Variants in MCM10 observed in about 807,000 individuals in gnomAD.
MCM10 encodes protein MCM10 homolog.
MCM10 carries 91 observed loss-of-function variants against 109.9 expected under a neutral mutation model. That is an observed-to-expected ratio of 0.83 (90% CI 0.70 to 0.99). The LOEUF (loss-of-function observed/expected upper bound fraction) is 0.99. MCM10 is among the 50% of genes least tolerant of loss of function. The probability of loss-of-function intolerance (pLI) is 0.00; values close to 1 mark genes in which losing one functional copy is unlikely to be tolerated. For synonymous variants in MCM10, 380 were observed against 387.2 expected (o/e 0.98, Z 0.22); for missense variants, 1,077 against 1,061.2 (o/e 1.01, Z -0.21).
In MCM10 at chr10:13,172,601, TC is replaced by T. The variant is rs762277030; in HGVS notation, c.455-26del. The T allele has an allele frequency of 6.2e-7, 1 of 1,613,178 alleles. No homozygotes were observed. The highest frequency in any genetic ancestry group is 8.5e-7 in the Non-Finnish European group (1 of 1,179,630). On this transcript the variant is annotated intron_variant, in intron 4 of 19. Coordinates refer to ENST00000378714, the MANE Select transcript of MCM10 (RefSeq NM_018518.5). This position sits in a 1 kb window ranked among gnomAD's most constrained non-coding sequence, Gnocchi z 5.2. ...AACCTCTTTCTGAATGGGTTTTTACTCACTTATTTTACTTTTGATTAAGTAG... is the reference window on the plus strand; with the variant it reads ...AACCTCTTTCTGAATGGGTTTTTACTACTTATTTTACTTTTGATTAAGTAG...
chr10:13,171,236 C>G lies in MCM10; in HGVS notation c.322C>G (p.Arg108Gly), dbSNP rs778805798. 5.6e-6 allele frequency: 9 copies of G among 1,610,886 alleles called. No homozygotes were observed. In the Admixed American group the frequency reaches 1.5e-4, roughly 27 times the overall value. Residue 108 changes from arginine to glycine, a missense_variant, in exon 3 of 20, where the codon CGA becomes GGA. Coordinates refer to ENST00000378714, the MANE Select transcript of MCM10 (RefSeq NM_018518.5). ...GGTCCTCCCTGCTCCTGCCCCCAGG[C>G]GAGAGAAAACGAATGAAGAGTTGCA... The part of the protein sequence containing the change: ...NRVLPAPAPR[R>G]EKTNEELQEE...
chr10:13,175,570 C>G lies in MCM10; in HGVS notation c.653C>G (p.Ser218Cys), dbSNP rs1834130557. The stretch of plus-strand genomic sequence containing the variant: ...CCCTCCCAACCCCTACAGACGATTT[C>G]TCGGAACAAACCTAGTGGGATAACT... Reference protein sequence around the residue: ...SAPSQPLQTISRNKPSGITRG... With the variant: ...SAPSQPLQTICRNKPSGITRG... The change falls in exon 6 of 20, where the codon TCT becomes TGT. Residue 218 changes from serine to cysteine, a missense_variant. Physicochemically the swap from Ser to Cys is moderately radical, Grantham distance 112 (BLOSUM62 -1). Coordinates refer to ENST00000378714, the MANE Select transcript of MCM10 (RefSeq NM_018518.5). 6.2e-7 allele frequency: 1 copy of G among 1,614,158 alleles called. No individual in the cohort carries two copies. The highest frequency in any genetic ancestry group is 1.1e-5 in the South Asian group (1 of 91,092).
chr10:13,162,599 C>T (rs1209984336), intron 1 of MCM10, among the ~76,000 whole-genome samples: 1 of 152,118 alleles, frequency 6.6e-6, no homozygotes, highest in Admixed American at 6.6e-5. Flanking sequence ...CAGTACTTGT[C>T]AGTGGCCGTG....
chr10:13,195,235 G>A lies in MCM10; in HGVS notation c.1940G>A (p.Arg647Lys), dbSNP rs372118753. 53 of 1,609,098 alleles carry A rather than the reference G, an allele frequency of 3.3e-5. No individual in the cohort carries two copies. The highest frequency in any genetic ancestry group is 4.0e-5 in the Non-Finnish European group (47 of 1,177,602). The stretch of plus-strand genomic sequence containing the variant: ...TTTTATGATGAGTCACCACCACCAA[G>A]ACCAAAACTGAGTGCTTTAGCAGAA... ...VLFYDESPPP[R>K]PKLSALAEAK... The change falls in exon 14 of 20, where the codon AGA becomes AAA. Residue 647 changes from arginine (R) to lysine (K), a missense_variant. Coordinates refer to ENST00000378714, the MANE Select transcript of MCM10 (RefSeq NM_018518.5).
At chr10:13,204,547 C>T (rs1834544388) in intron 18 of MCM10, 183 bp downstream of exon 18, 1 of 657,526 alleles carries the variant, frequency 1.5e-6, no homozygotes, top group Non-Finnish European at 2.5e-6. Context: ...TGCCCTTTCA[C>T]TGCTGTCCCC....
intron 14 of MCM10, chr10:13,195,594 A>G (rs1834408225): frequency 1.7e-5 from 1 of 59,546 alleles, no homozygotes; most frequent in Non-Finnish European, 4.0e-5. Context: ...TTATTTATTT[A>G]TTTATTTATT....
chr10:13,182,951 T>C lies in MCM10; in HGVS notation c.949T>C (p.Trp317Arg). 6.2e-7 allele frequency: 1 copy of C among 1,613,636 alleles called. No homozygotes were observed. Among genetic ancestry groups the C allele is most frequent in the South Asian group, 1.1e-5 (1 of 90,998 alleles). ...SVNSGKTFSIWKLNDLRDLTQ... is the reference protein window; with the variant it reads ...SVNSGKTFSIRKLNDLRDLTQ... ...GTTCCAGGGAAAAACCTTCAGCATA[T>C]GGAAACTGAATGATCTTCGTGACCT... Residue 317 changes from tryptophan (W) to arginine (R), a missense_variant, in exon 8 of 20, where the codon TGG (tryptophan) becomes CGG (arginine). Trp to Arg is a moderately radical substitution (Grantham distance 101). Transcript: ENST00000378714. The surrounding 1 kb of genome is among the most constrained non-coding windows in gnomAD (Gnocchi z 4.2).
intron 9 of MCM10, among the ~76,000 whole-genome samples, chr10:13,186,939 C>G (rs576040972): frequency 6.6e-6 from 1 of 152,298 alleles, no homozygotes; most frequent in African/African-American, 2.4e-5. Flanking sequence ...TTTCAGTGAG[C>G]TGAGATCGCA....
intron 18 of MCM10, among the ~76,000 whole-genome samples, chr10:13,207,023 G>T (rs1393033306): frequency 6.6e-6 from 1 of 152,066 alleles, no homozygotes; most frequent in Non-Finnish European, 1.5e-5. Context: ...ATGTTGTCCA[G>T]GCTGGTTTCA....
In MCM10 at chr10:13,170,917, C is replaced by A. The variant is rs146741193; in HGVS notation, c.8-5C>A. Reference sequence around the variant, plus strand: ...TTCTCTGTCCTTTCTCTTCTTTTCCCCTAGAGGAGGAAGACAATCTGTCTC... The same window carrying A: ...TTCTCTGTCCTTTCTCTTCTTTTCCACTAGAGGAGGAAGACAATCTGTCTC... On this transcript the variant is annotated splice_region_variant and splice_polypyrimidine_tract_variant and intron_variant, in intron 2 of 19. Transcript: ENST00000378714. 11 of 1,609,406 alleles carry A rather than the reference C, an allele frequency of 6.8e-6. No homozygotes were observed. Among genetic ancestry groups the A allele is most frequent in the South Asian group, 1.1e-5 (1 of 90,962 alleles).
chr10:13,197,573 C>T, intron 14 of MCM10, 50 bp from the exon 15 acceptor site: 1 of 1,557,530 alleles, frequency 6.4e-7, no homozygotes, highest in Non-Finnish European at 8.7e-7. Flanking sequence ...TCTATAAGTG[C>T]CTCTGTCATC....
At chr10:13,178,597 G>GT (rs968319859) in intron 6 of MCM10, among the ~76,000 whole-genome samples, 1 of 152,172 alleles carries the variant, frequency 6.6e-6, no homozygotes, top group Admixed American at 6.5e-5. Context: ...GTACCATGCT[G>GT]TTTTGGTTAC....
chr10:13,196,904 A>G (rs990511107), intron 14 of MCM10, among the ~76,000 whole-genome samples: 1 of 151,274 alleles, frequency 6.6e-6, no homozygotes, highest in Non-Finnish European at 1.5e-5. Flanking sequence ...GGTCAATGCT[A>G]TATCATCATT....
In MCM10 at chr10:13,177,664, G is replaced by T. The variant is rs541824246; in HGVS notation, c.764+1983G>T. Among the ~76,000 whole-genome samples, 5 of 151,996 alleles carry T rather than the reference G, an allele frequency of 3.3e-5. No individual in the cohort carries two copies. The East Asian group carries it at 9.7e-4, about 29-fold the overall frequency. ...AGGGTGGCAGATTGCTTGAGCTCAG[G>T]AGTTTGAGACCAGCCTGGGCAACAG... On this transcript the variant is annotated intron_variant, in intron 6 of 19. Coordinates refer to ENST00000378714, the MANE Select transcript of MCM10 (RefSeq NM_018518.5).
chr10:13,190,160 AGTTG>A (rs1260469749), intron 10 of MCM10, among the ~76,000 whole-genome samples: 1 of 152,204 alleles, frequency 6.6e-6, no homozygotes, highest in Non-Finnish European at 1.5e-5. Context: ...AGGCAGCTAC[AGTTG>A]GTCCAAGAAT....
At chr10:13,162,598 T>C (rs1248178190) in intron 1 of MCM10, among the ~76,000 whole-genome samples, 1 of 152,136 alleles carries the variant, frequency 6.6e-6, no homozygotes, top group Non-Finnish European at 1.5e-5. Context: ...ACAGTACTTG[T>C]CAGTGGCCGT....
rs1834094241 is a variant in MCM10, at chr10:13,172,873, C to G, written c.592+108C>G. ...GTGTCTTTTGGTCTGTCTTATGTCC[C>G]CATTGAGAAAGAAAGTTTCTTGGGA... On this transcript the variant is annotated intron_variant, in intron 5 of 19. Transcript: ENST00000378714. This position sits in a 1 kb window ranked among gnomAD's most constrained non-coding sequence, Gnocchi z 5.2. The G allele has an allele frequency of 9.8e-7, 1 of 1,023,328 alleles. No homozygotes were observed. Among genetic ancestry groups the G allele is most frequent in the African/African-American group, 1.9e-5 (1 of 51,742 alleles). 63.4% of individuals were successfully genotyped at this position (1,023,328 alleles called of 1,614,324 possible).
intron 15 of MCM10, 106 bp downstream of exon 15, chr10:13,197,873 C>T: frequency 1.7e-6 from 2 of 1,163,820 alleles, no homozygotes; most frequent in Non-Finnish European, 1.2e-6. Flanking sequence ...CTTCCATTTC[C>T]TCCTATATAG....
intron 6 of MCM10, 131 bp downstream of exon 6, chr10:13,175,812 C>T: frequency 1.6e-6 from 1 of 624,418 alleles, no homozygotes; most frequent in East Asian, 2.8e-5. Flanking sequence ...GGACAAAACA[C>T]CACTGGAAGA....
Sources: allele counts gnomAD v4.1 joint callset (sites outside exome capture counted in the v4.1 genomes callset), GRCh38; gene constraint gnomAD v4.1.1; non-coding constraint Gnocchi (gnomAD v3.1); transcripts MANE v1.5; gene names NCBI Gene and HGNC (gene_info 2026-07-23, HGNC 2026-07-21).